USP8: variants seen among roughly 807,000 people sequenced by gnomAD.
USP8 encodes ubiquitin specific peptidase 8.
In USP8, 27 loss-of-function variants were observed where a neutral mutation model predicts 130.0. That is an observed-to-expected ratio of 0.21 (90% CI 0.15 to 0.29). The LOEUF is 0.29. Among genes scored for constraint, USP8 ranks in the 10% least tolerant of loss-of-function variants. The pLI, the probability that USP8 is intolerant of heterozygous loss-of-function variation, is 1.00. For synonymous variants in USP8, 392 were observed against 444.1 expected, an observed-to-expected ratio of 0.88 and a Z score of 1.48; for missense variants, 1,029 against 1,312.2, an observed-to-expected ratio of 0.78 and a Z score of 3.33.
chr15:50,446,798 C>T (rs1486276284), intron 3 of USP8, among the ~76,000 whole-genome samples: 1 of 152,200 alleles, frequency 6.6e-6, no homozygotes, highest in Non-Finnish European at 1.5e-5. Flanking sequence ...CAGGGTCTCA[C>T]TCTGTTGCTC....
Position 50,509,211 on chromosome 15 carries a change from G to A in USP8, c.*10123G>A, listed in dbSNP as rs2052706305. On this transcript the variant is annotated 3_prime_UTR_variant, in exon 20 of 20. Transcript: ENST00000307179. ...TTGTGCCTGTAGTTCCATCTACTTG[G>A]GAGGCTGAGGTGGGAGGATGGCTCG... 2 of 151,266 alleles carry A rather than the reference G, an allele frequency of 1.3e-5. No homozygotes were observed. Among genetic ancestry groups the A allele is most frequent in the African/African-American group, 4.9e-5 (2 of 40,980 alleles). The allele number at this position is 151,266 out of a possible 1,614,324, so 9.4% of individuals were successfully genotyped here.
At chr15:50,483,376 C>G (rs1219397973) in intron 11 of USP8, among the ~76,000 whole-genome samples, 5 of 152,080 alleles carry the variant, frequency 3.3e-5, no homozygotes, top group Non-Finnish European at 7.3e-5. Context: ...TTGTGTGCTC[C>G]TTTTAAAAGT....
At position 50,484,278 on chromosome 15, in the gene USP8, T is replaced by A. The variant is rs548032910; in HGVS notation, c.1807T>A (p.Phe603Ile). Reference sequence around the variant, plus strand: ...TGTAATTTTAATAATTTTACAGCCATTTAAGATTAAAGGACAACCAGAAAG... The same window carrying A: ...TGTAATTTTAATAATTTTACAGCCAATTAAGATTAAAGGACAACCAGAAAG... ...VTGDSGSGKP[F>I]KIKGQPESGI... Residue 603 changes from phenylalanine (F) to isoleucine (I), a missense_variant, in exon 12 of 20, where the codon TTT becomes ATT. Physicochemically the swap from Phe to Ile is conservative, Grantham distance 21. This residue lies in a region of USP8 where 486 missense variants were observed against 522.0 expected (regional missense o/e 0.93). Transcript: ENST00000307179. The A allele has an allele frequency of 6.2e-7, 1 of 1,608,214 alleles. No homozygotes were observed. Among genetic ancestry groups the A allele is most frequent in the East Asian group, 2.2e-5 (1 of 44,644 alleles).
chr15:50,503,662 G>A lies in USP8; in HGVS notation c.*4574G>A, dbSNP rs2052620390. On this transcript the variant is annotated 3_prime_UTR_variant, in exon 20 of 20. Transcript: ENST00000307179. ...CATAGACCTACCTTTTCACCAGTTT[G>A]GGATTCAAATTTATACTACCTGTGT... 6.6e-6 allele frequency: 1 copy of A among 152,138 alleles called. No homozygotes were observed. The highest frequency in any genetic ancestry group is 1.5e-5 in the Non-Finnish European group (1 of 68,036). The allele number at this position is 152,138 out of a possible 1,614,324, so 9.4% of individuals were successfully genotyped here. A position where few individuals can be genotyped will look rare whatever the true frequency, so the allele number is the denominator to read the frequency against.
chr15:50,432,140 T>G (rs1187288160), intron 1 of USP8, among the ~76,000 whole-genome samples: 3 of 152,194 alleles, frequency 2.0e-5, no homozygotes, highest in Non-Finnish European at 4.4e-5. Context: ...AGGATTCACA[T>G]GAAGAAACAA....
At chr15:50,432,957 A>G (rs778791029) in intron 1 of USP8, among the ~76,000 whole-genome samples, 4 of 152,146 alleles carry the variant, frequency 2.6e-5, no homozygotes, top group Non-Finnish European at 5.9e-5. Context: ...ATGTTATTTC[A>G]TTGGCCGGGC....
intron 5 of USP8, among the ~76,000 whole-genome samples, chr15:50,461,682 A>G (rs188361621): frequency 2.2e-3 from 338 of 151,870 alleles, no homozygotes; most frequent in African/African-American, 7.7e-3. Context: ...GCAAAACCCC[A>G]TCTCTACTAA....
At position 50,496,970 on chromosome 15, in the gene USP8, T is replaced by G. The variant is rs567662377; in HGVS notation, c.2896-119T>G. The G allele has an allele frequency of 2.3e-6, 3 of 1,322,692 alleles. No individual in the cohort carries two copies. The East Asian group carries it at 7.1e-5, about 31-fold the overall frequency. The allele number at this position is 1,322,692 out of a possible 1,614,324, so 81.9% of individuals were successfully genotyped here. ...ACAAGCTTTGGGAAGGCAGGAACTC[T>G]TTTGTGTAGATTGCTGTTGAATCAC... On this transcript the variant is annotated intron_variant, in intron 17 of 19. Coordinates refer to ENST00000307179, the MANE Select transcript of USP8 (RefSeq NM_005154.5).
In USP8 at chr15:50,510,202, G is replaced by A. The variant is rs553347899; in HGVS notation, c.*11114G>A. 1 of 152,278 alleles carries A rather than the reference G, an allele frequency of 6.6e-6. No individual in the cohort carries two copies. The highest frequency in any genetic ancestry group is 2.4e-5 in the African/African-American group (1 of 41,546). 9.4% of individuals were successfully genotyped at this position (152,278 alleles called of 1,614,324 possible). A position where few individuals can be genotyped will look rare whatever the true frequency, so the allele number is the denominator to read the frequency against. On this transcript the variant is annotated 3_prime_UTR_variant, in exon 20 of 20. Transcript: ENST00000307179. ...GGCTGAGACATTTGGTTATTCATAT[G>A]CAGAAAAATGAAATTGAATCCCTAA... is the stretch of plus-strand genomic sequence containing the variant.
Position 50,462,314 on chromosome 15 carries a change from A to G in USP8, c.533A>G (p.Lys178Arg), listed in dbSNP as rs1193237482. The part of the protein sequence containing the change: ...NGEKNEKCET[K>R]EKGAITAKEL... ...GAAAAGAATGAAAAATGTGAGACCA[A>G]AGAGAAAGGTAAGTGTGTACAGAAG... Residue 178 changes from lysine (K) to arginine (R), a missense_variant, in exon 6 of 20, where the codon AAA becomes AGA. Physicochemically the swap from Lys to Arg is conservative, Grantham distance 26. Around this residue, in one of 4 missense-constraint regions of USP8, gnomAD observed 281 missense variants for 336.7 expected, o/e 0.83. Transcript: ENST00000307179. 2 of 1,602,368 alleles carry G rather than the reference A, an allele frequency of 1.2e-6. No homozygotes were observed. The highest frequency in any genetic ancestry group is 8.5e-7 in the Non-Finnish European group (1 of 1,176,822).
chr15:50,442,377 A>G (rs562854049), intron 3 of USP8, among the ~76,000 whole-genome samples: 1 of 152,312 alleles, frequency 6.6e-6, no homozygotes, highest in African/African-American at 2.4e-5. Flanking sequence ...GGCAATATAA[A>G]TGAATAGAAA....
chr15:50,470,514 G>A lies in USP8; in HGVS notation c.687-1119G>A, dbSNP rs113667173. ...AACCAGGAATAACAAGCCAGTGGCT[G>A]GAGCGAGTGAAGGGGGCCAGTAGTT... On this transcript the variant is annotated intron_variant, in intron 7 of 19. Coordinates refer to ENST00000307179, the MANE Select transcript of USP8 (RefSeq NM_005154.5). 3.7e-3 allele frequency among the ~76,000 whole-genome samples: 565 copies of A among 152,268 alleles called. 4 individuals are homozygous for A. Among genetic ancestry groups the A allele is most frequent in the African/African-American group, 0.013 (548 of 41,528 alleles).
intron 1 of USP8, among the ~76,000 whole-genome samples, chr15:50,425,372 T>C (rs2049678609): frequency 6.6e-6 from 1 of 152,232 alleles, no homozygotes; most frequent in African/African-American, 2.4e-5. Flanking sequence ...AAGTGGTATT[T>C]GTTAAGGAAG....
At chr15:50,477,203 C>T (rs2051595653) in intron 9 of USP8, 73 bp from the exon 10 acceptor site, 1 of 1,376,070 alleles carries the variant, frequency 7.3e-7, no homozygotes, top group South Asian at 1.4e-5. Flanking sequence ...ACTGCATTAA[C>T]ACGCATGAGA....
At chr15:50,482,406 G>C (rs1271636737) in intron 11 of USP8, among the ~76,000 whole-genome samples, 1 of 152,158 alleles carries the variant, frequency 6.6e-6, no homozygotes, top group Non-Finnish European at 1.5e-5. Flanking sequence ...TTCTCAGTAT[G>C]GGGAAACTAG....
chr15:50,480,691 C>T (rs1271539790), intron 10 of USP8, among the ~76,000 whole-genome samples: 1 of 151,804 alleles, frequency 6.6e-6, no homozygotes, highest in Non-Finnish European at 1.5e-5. Context: ...GAGAGGTAGG[C>T]AGATGTAAGA....
chr15:50,469,627 T>C (rs1019715032), intron 7 of USP8, among the ~76,000 whole-genome samples: 1 of 152,140 alleles, frequency 6.6e-6, no homozygotes, highest in Admixed American at 6.6e-5. Context: ...AACATTATTA[T>C]ATAGGAACTG....
chr15:50,509,068 G>A lies in USP8; in HGVS notation c.*9980G>A, dbSNP rs1266507764. On this transcript the variant is annotated 3_prime_UTR_variant, in exon 20 of 20. Coordinates refer to ENST00000307179, the MANE Select transcript of USP8 (RefSeq NM_005154.5). ...AGAATGGCGTGAACCCGGGGTCGGA[G>A]CTTGCAGTGAGCCAAGATCGCGCCA... The A allele has an allele frequency of 1.6e-5, 2 of 124,608 alleles. No homozygotes were observed. Among genetic ancestry groups the A allele is most frequent in the African/African-American group, 6.0e-5 (2 of 33,126 alleles). 7.7% of individuals were successfully genotyped at this position (124,608 alleles called of 1,614,324 possible).
At chr15:50,462,218 TA>T in intron 5 of USP8, 61 bp from the exon 6 acceptor site, 1 of 1,414,874 alleles carries the variant, frequency 7.1e-7, no homozygotes, top group Non-Finnish European at 9.8e-7. Flanking sequence ...GTAAATGAAG[TA>T]TTAAAGTTGA....
Sources: allele counts gnomAD v4.1 joint callset (sites outside exome capture counted in the v4.1 genomes callset), GRCh38; gene constraint gnomAD v4.1.1; regional missense constraint gnomAD v4.1.1; transcripts MANE v1.5; gene names NCBI Gene and HGNC (gene_info 2026-07-23, HGNC 2026-07-21).